POLA1: variants seen among roughly 807,000 people sequenced by gnomAD.
POLA1 encodes the protein DNA polymerase alpha catalytic subunit.
POLA1 carries 15 observed loss-of-function variants against 124.0 expected under a neutral mutation model. The observed-to-expected ratio is 0.12, with a 90% CI of 0.08 to 0.19. The LOEUF is 0.19. POLA1 is among the 10% of genes least tolerant of loss of function. The pLI is 1.00. For synonymous variants in POLA1, 408 were observed against 389.4 expected (o/e 1.05, Z -0.56); for missense variants, 886 against 1,103.4 (o/e 0.80, Z 2.79).
At chrX:24,911,092 A>C (rs949819803) in intron 35 of POLA1, among the ~76,000 whole-genome samples, 2 of 112,347 alleles carry the variant, frequency 1.8e-5, no homozygotes, top group Non-Finnish European at 3.8e-5. Context: ...GAAAATCTTC[A>C]AGTACTTGGA....
intron 3 of POLA1, among the ~76,000 whole-genome samples, chrX:24,704,134 T>G (rs1343862249): frequency 1.8e-5 from 2 of 111,828 alleles, no homozygotes; most frequent in Non-Finnish European, 3.8e-5. Flanking sequence ...GTGGCAGACT[T>G]TGATCCTTTG....
intron 34 of POLA1, among the ~76,000 whole-genome samples, chrX:24,845,046 G>A (rs1305853405): frequency 8.9e-6 from 1 of 111,964 alleles, no homozygotes; most frequent in Non-Finnish European, 1.9e-5. Flanking sequence ...AGAGGGAATA[G>A]TCTGTTTTGA....
intron 15 of POLA1, 73 bp from the exon 16 acceptor site, chrX:24,732,297 T>TG: frequency 1.5e-6 from 1 of 664,994 alleles, no homozygotes; most frequent in South Asian, 2.4e-5. Flanking sequence ...TAAATATTCT[T>TG]GGTGATTTTG....
At chrX:24,801,439 G>A (rs746592491) in intron 26 of POLA1, among the ~76,000 whole-genome samples, 1 of 111,647 alleles carries the variant, frequency 9.0e-6, no homozygotes, top group Non-Finnish European at 1.9e-5. Context: ...CAGGCATTTC[G>A]TTAGGTTTAA....
At chrX:24,902,477 A>G (rs1030534616) in intron 35 of POLA1, among the ~76,000 whole-genome samples, 3 of 112,366 alleles carry the variant, frequency 2.7e-5, no homozygotes, top group African/African-American at 9.7e-5. Flanking sequence ...AGAGCAAACT[A>G]TTCTATCATG....
In POLA1 at chrX:24,927,644, A is replaced by G. The variant is rs571931793; in HGVS notation, c.4165-2809A>G. 9.8e-5 allele frequency among the ~76,000 whole-genome samples: 11 copies of G among 112,653 alleles called. No individual in the cohort carries two copies. The South Asian group carries it at 3.7e-3, about 38-fold the overall frequency. On this transcript the variant is annotated intron_variant, in intron 35 of 36. Coordinates refer to ENST00000379068, the MANE Select transcript of POLA1 (RefSeq NM_001330360.2). ...ATGTTCTAACTATAAAGGAAGACTG[A>G]AAGAAGCCTAGGCACTGTGTTGAGT...
chrX:24,882,529 C>A (rs763027733), intron 34 of POLA1, among the ~76,000 whole-genome samples: 37 of 110,838 alleles, frequency 3.3e-4, no homozygotes, highest in African/African-American at 6.6e-4. Flanking sequence ...TCATGTGTAC[C>A]CAATGTTTAG....
chrX:24,941,517 G>A (rs1168057178), intron 36 of POLA1, among the ~76,000 whole-genome samples: 1 of 112,360 alleles, frequency 8.9e-6, no homozygotes, highest in Non-Finnish European at 1.9e-5. Context: ...TGTAGGCCCA[G>A]GCCAAGAACT....
At position 24,821,459 on chromosome X, in the gene POLA1, C is replaced by T. The variant is rs1189429328; in HGVS notation, c.3437C>T (p.Thr1146Ile). The change falls in exon 31 of 37, where the codon ACA (threonine) becomes ATA (isoleucine). Residue 1146 changes from threonine (T) to isoleucine (I), a missense_variant. Physicochemically the swap from Thr to Ile is moderately conservative, Grantham distance 89. Coordinates refer to ENST00000379068, the MANE Select transcript of POLA1 (RefSeq NM_001330360.2). ...VSQFEINKAL[T>I]KDPQDYPDKK... Reference sequence around the variant, plus strand: ...TTTTGTTCCCTCTTTTAGGCATTGACAAAGGATCCCCAGGATTACCCTGAT... The same window carrying T: ...TTTTGTTCCCTCTTTTAGGCATTGATAAAGGATCCCCAGGATTACCCTGAT... 1.7e-6 allele frequency: 2 copies of T among 1,202,180 alleles called. No individual in the cohort carries two copies. The highest frequency in any genetic ancestry group is 1.8e-5 in the South Asian group (1 of 54,679).
At chrX:24,809,212 AT>A (rs1387188499) in intron 26 of POLA1, among the ~76,000 whole-genome samples, 1 of 110,784 alleles carries the variant, frequency 9.0e-6, no homozygotes, top group South Asian at 4.0e-4. Context: ...TCATATTACT[AT>A]TTTTTAAGAG....
chrX:24,820,092 T>C (rs1382019255), intron 30 of POLA1, among the ~76,000 whole-genome samples: 1 of 112,104 alleles, frequency 8.9e-6, no homozygotes, highest in Admixed American at 9.4e-5. Context: ...GTCTTTGCTA[T>C]TGAGAGCTTT....
chrX:24,961,303 C>T (rs1460645128), intron 36 of POLA1, among the ~76,000 whole-genome samples: 3 of 111,772 alleles, frequency 2.7e-5, no homozygotes, highest in Non-Finnish European at 5.6e-5. Flanking sequence ...CCTTCTCAAT[C>T]TCTAAAATAA....
In POLA1 at chrX:24,789,009, C is replaced by T. The variant is rs746796411; in HGVS notation, c.2965-20889C>T. Reference sequence around the variant, plus strand: ...ACATACCCCTCGATGTAGCTCTTGTCCGCCAGGTAATCGTTGAGCACCTGG... The same window carrying T: ...ACATACCCCTCGATGTAGCTCTTGTTCGCCAGGTAATCGTTGAGCACCTGG... On this transcript the variant is annotated intron_variant, in intron 26 of 36. Transcript: ENST00000379068. 8 of 1,208,056 alleles carry T rather than the reference C, an allele frequency of 6.6e-6. No individual in the cohort carries two copies. In the African/African-American group the frequency reaches 1.2e-4, roughly 19 times the overall value.
Position 24,744,997 on chromosome X carries a change from T to TGG in POLA1, c.2567-418_2567-417dup, listed in dbSNP as rs1173792221. On this transcript the variant is annotated intron_variant, in intron 23 of 36. Coordinates refer to ENST00000379068, the MANE Select transcript of POLA1 (RefSeq NM_001330360.2). ...AATAAACCACTCACTTGGTTTTATT[T>TGG]GGGGTGGGGGGTGGGAGAGTAGGTA... Among the ~76,000 whole-genome samples, 27 of 66,508 alleles carry TGG rather than the reference T, an allele frequency of 4.1e-4. 1 individual carries two copies. Among genetic ancestry groups the TGG allele is most frequent in the African/African-American group, 1.6e-3 (25 of 15,255 alleles). The allele number at this position is 66,508 out of a possible 115,157, so 57.8% of individuals were successfully genotyped here. A position where few individuals can be genotyped will look rare whatever the true frequency, so the allele number is the denominator to read the frequency against.
chrX:24,992,779 A>T (rs1275657961), intron 36 of POLA1, among the ~76,000 whole-genome samples: 3 of 112,960 alleles, frequency 2.7e-5, no homozygotes, highest in South Asian at 7.2e-4. Flanking sequence ...CATTATTTTA[A>T]TAGAGCTAGC....
intron 16 of POLA1, among the ~76,000 whole-genome samples, chrX:24,732,958 G>A (rs977689120): frequency 1.8e-5 from 2 of 112,099 alleles, no homozygotes; most frequent in Non-Finnish European, 3.8e-5. Context: ...TTCTGCATAT[G>A]TGTTTTATGA....
At chrX:24,856,635 C>T (rs1019557357) in intron 34 of POLA1, among the ~76,000 whole-genome samples, 4 of 111,301 alleles carry the variant, frequency 3.6e-5, no homozygotes, top group Non-Finnish European at 7.5e-5. Context: ...GTTCCATTTA[C>T]TGGGCGTGCT....
At chrX:24,878,541 T>C (rs1214309913) in intron 34 of POLA1, among the ~76,000 whole-genome samples, 1 of 110,799 alleles carries the variant, frequency 9.0e-6, no homozygotes, top group African/African-American at 3.3e-5. Context: ...ACTGATTTAT[T>C]ACCTACCTTC....
At chrX:24,747,640 C>A (rs1932085922) in intron 24 of POLA1, among the ~76,000 whole-genome samples, 1 of 106,630 alleles carries the variant, frequency 9.4e-6, no homozygotes, top group Non-Finnish European at 1.9e-5. Context: ...TCCTGGAGGT[C>A]TGTCTTAGTG....
Sources: gnomAD v4.1 joint callset for allele counts (sites outside exome capture counted in the v4.1 genomes callset) on GRCh38, gnomAD v4.1.1 for gene constraint, MANE v1.5 for transcripts, NCBI Gene and HGNC (gene_info 2026-07-23, HGNC 2026-07-21) for gene names.